The following PIWIL1 variants were observed in gnomAD, a reference collection of about 807,000 sequenced individuals.
PIWIL1 encodes the protein piwi like RNA-mediated gene silencing 1.
Under a neutral mutation model 114.4 loss-of-function variants are expected in PIWIL1, and 73 were observed. The ratio of observed to expected loss-of-function variants is 0.64; its 90% CI spans 0.53 to 0.78. The LOEUF (loss-of-function observed/expected upper bound fraction) is 0.78. Among genes scored for constraint, PIWIL1 ranks in the 30% least tolerant of loss-of-function variants. The pLI, the probability that PIWIL1 is intolerant of heterozygous loss-of-function variation, is 0.00. For synonymous variants in PIWIL1, 375 were observed against 369.0 expected (o/e 1.02, Z -0.19); for missense variants, 723 against 1,063.1 (o/e 0.68, Z 4.45).
intron 14 of PIWIL1, among the ~76,000 whole-genome samples, chr12:130,357,917 G>T (rs887094767): frequency 6.6e-6 from 1 of 152,190 alleles, no homozygotes; most frequent in South Asian, 2.1e-4. Flanking sequence ...TTACATGGAA[G>T]CTCCCCAGAC....
At chr12:130,408,232 C>T in the PIWIL1 span, among the ~76,000 whole-genome samples, 1 of 152,202 alleles carries the variant, frequency 6.6e-6, no homozygotes, top group African/African-American at 2.4e-5. Context: ...CCCATAGACA[C>T]AGTTTTAAAA....
chr12:130,422,693 T>C, the PIWIL1 span: 1 of 655,608 alleles, frequency 1.5e-6, no homozygotes, highest in Non-Finnish European at 2.7e-6. This position sits in a 1 kb window ranked among gnomAD's most constrained non-coding sequence, Gnocchi z 5.2. Context: ...ACTGAAAGGT[T>C]AGCTGAATGG....
chr12:130,359,080 A>G (rs1448855953), intron 14 of PIWIL1, among the ~76,000 whole-genome samples: 1 of 151,610 alleles, frequency 6.6e-6, no homozygotes, highest in African/African-American at 2.4e-5. Flanking sequence ...CACTCCTCCC[A>G]CCCCTGAAAT....
chr12:130,350,551 A>G (rs539158755), intron 9 of PIWIL1, among the ~76,000 whole-genome samples: 6 of 152,356 alleles, frequency 3.9e-5, no homozygotes, highest in Middle Eastern at 3.4e-3. Flanking sequence ...AGGAAAGAGC[A>G]GCTATTGACT....
intron 16 of PIWIL1, among the ~76,000 whole-genome samples, 175 bp downstream of exon 16, chr12:130,361,776 G>A (rs1346356785): frequency 6.6e-6 from 1 of 152,126 alleles, no homozygotes; most frequent in Non-Finnish European, 1.5e-5. Flanking sequence ...CTTTCATCCT[G>A]TATTCGTCAA....
intron 6 of PIWIL1, among the ~76,000 whole-genome samples, chr12:130,347,849 GTAGAAC>G (rs2073109881): frequency 6.6e-6 from 1 of 152,202 alleles, no homozygotes; most frequent in South Asian, 2.1e-4. Context: ...CTGTGTGCCA[GTAGAAC>G]TATTGGTGGA....
At chr12:130,356,329 G>A (rs1228567967) in intron 12 of PIWIL1, among the ~76,000 whole-genome samples, 1 of 143,542 alleles carries the variant, frequency 7.0e-6, no homozygotes, top group Non-Finnish European at 1.5e-5. Flanking sequence ...CCTTTGAAAT[G>A]TCCTGTGAAC....
chr12:130,396,952 CCAGAGTCAAAGT>C, the PIWIL1 span: 1 of 153,666 alleles, frequency 6.5e-6, no homozygotes, highest in Non-Finnish European at 1.4e-5. Context: ...AATTTCAAGA[CCAGAGTCAAAGT>C]GAAAGTTATG....
intron 14 of PIWIL1, 137 bp downstream of exon 14, chr12:130,357,690 A>G: frequency 1.6e-6 from 1 of 630,556 alleles, no homozygotes; most frequent in Non-Finnish European, 2.8e-6. Context: ...ATGTTTTGTA[A>G]CCATAAAGTA....
the PIWIL1 span, among the ~76,000 whole-genome samples, chr12:130,393,176 C>A: frequency 3.4e-5 from 5 of 146,092 alleles, no homozygotes; most frequent in East Asian, 2.2e-4. Flanking sequence ...CGTCAGTTAC[C>A]TGGTGAGTAT....
chr12:130,356,397 T>A (rs1238861728), intron 12 of PIWIL1, among the ~76,000 whole-genome samples: 1 of 152,002 alleles, frequency 6.6e-6, no homozygotes, highest in Non-Finnish European at 1.5e-5. Flanking sequence ...ATCCCCTGCG[T>A]GAGGCCAGGC....
At chr12:130,354,222 A>G (rs747156712) in intron 9 of PIWIL1, among the ~76,000 whole-genome samples, 2 of 152,138 alleles carry the variant, frequency 1.3e-5, no homozygotes, top group Non-Finnish European at 2.9e-5. Context: ...TACACAGACT[A>G]CTGTTTCTAA....
In PIWIL1 at chr12:130,349,390, C is replaced by G. The variant is rs2073154054; in HGVS notation, c.886C>G (p.Gln296Glu). 6.2e-7 allele frequency: 1 copy of G among 1,613,338 alleles called. No individual in the cohort carries two copies. The highest frequency in any genetic ancestry group is 1.1e-5 in the South Asian group (1 of 91,018). The change falls in exon 8 of 21, where the codon CAA (glutamine) becomes GAA (glutamate). Residue 296 changes from glutamine to glutamate, a missense_variant. This residue lies in a region of PIWIL1 where 190 missense variants were observed against 294.4 expected (regional missense o/e 0.65). Coordinates refer to ENST00000245255, the MANE Select transcript of PIWIL1 (RefSeq NM_004764.5). ...FYHQTEEHKFQEQVSKELIGL... is the reference protein window; with the variant it reads ...FYHQTEEHKFEEQVSKELIGL... ...TCATCAGACAGAAGAACATAAATTT[C>G]AAGAACAAGTTTCCAAAGAACTAAT...
intron 5 of PIWIL1, 26 bp from the exon 6 acceptor site, chr12:130,346,915 T>C (rs950005799): frequency 1.2e-6 from 2 of 1,602,774 alleles, no homozygotes; most frequent in Non-Finnish European, 1.7e-6. Context: ...ATTTAAAGTT[T>C]GGGTTTTCCA....
chr12:130,399,620 A>G, the PIWIL1 span: 15 of 1,589,022 alleles, frequency 9.4e-6, no homozygotes, highest in African/African-American at 4.0e-5. Flanking sequence ...CAAAGATTGT[A>G]TTAGACCACA....
chr12:130,344,962 T>G (rs1474000728), intron 3 of PIWIL1, among the ~76,000 whole-genome samples: 1 of 152,220 alleles, frequency 6.6e-6, no homozygotes, highest in Non-Finnish European at 1.5e-5. Flanking sequence ...TATTGGATAG[T>G]CAACTGGTAA....
the PIWIL1 span, chr12:130,424,282 G>A: frequency 9.3e-5 from 114 of 1,231,542 alleles, no homozygotes; most frequent in Middle Eastern, 6.2e-4. The surrounding 1 kb of genome is among the most constrained non-coding windows in gnomAD (Gnocchi z 9.8). Context: ...TTCCTGGGGG[G>A]CGGCCTCTCC....
chr12:130,393,015 A>G, the PIWIL1 span, among the ~76,000 whole-genome samples: 1 of 142,140 alleles, frequency 7.0e-6, no homozygotes, highest in African/African-American at 2.8e-5. Context: ...GAATGTTGTG[A>G]TGACCCGGTC....
Position 130,372,213 on chromosome 12 carries a change from C to CT in PIWIL1, c.*618dup, listed in dbSNP as rs1464921094. The CT allele has an allele frequency of 2.0e-5, 3 of 151,946 alleles. No homozygotes were observed. The highest frequency in any genetic ancestry group is 4.4e-5 in the Non-Finnish European group (3 of 67,976). The allele number at this position is 151,946 out of a possible 1,614,324, so 9.4% of individuals were successfully genotyped here. ...TTGTCCAAAGAAACATTTTAAGACTCTTTAACAAAAAAGGCCATGAGTAAA... is the reference window on the plus strand; with the variant it reads ...TTGTCCAAAGAAACATTTTAAGACTCTTTTAACAAAAAAGGCCATGAGTAAA... On this transcript the variant is annotated 3_prime_UTR_variant, in exon 21 of 21. Coordinates refer to ENST00000245255, the MANE Select transcript of PIWIL1 (RefSeq NM_004764.5).
Sources: allele counts gnomAD v4.1 joint callset (sites outside exome capture counted in the v4.1 genomes callset), GRCh38; gene constraint gnomAD v4.1.1; regional missense constraint gnomAD v4.1.1; non-coding constraint Gnocchi (gnomAD v3.1); transcripts MANE v1.5; gene names NCBI Gene and HGNC (gene_info 2026-07-23, HGNC 2026-07-21).